Variants in MARK1 observed in about 807,000 individuals in gnomAD.
The protein encoded by MARK1 is serine/threonine-protein kinase MARK1.
In MARK1, 40 loss-of-function variants were observed where a neutral mutation model predicts 96.3. The observed-to-expected ratio is 0.42, with a 90% confidence interval of 0.32 to 0.54. The LOEUF (loss-of-function observed/expected upper bound fraction) is 0.54. Among genes scored for constraint, MARK1 ranks in the 20% least tolerant of loss-of-function variants. The pLI is 0.16. For missense variants in MARK1, 719 were observed against 984.6 expected, an observed-to-expected ratio of 0.73 and a Z score of 3.61; for synonymous variants, 317 against 341.2, an observed-to-expected ratio of 0.93 and a Z score of 0.78.
intron 1 of MARK1, among the ~76,000 whole-genome samples, chr1:220,557,695 T>C (rs1165936093): frequency 6.6e-6 from 1 of 152,174 alleles, no homozygotes; most frequent in Admixed American, 6.5e-5. Context: ...AGAAGTTGGA[T>C]ACAAGAAGTG....
intron 3 of MARK1, among the ~76,000 whole-genome samples, chr1:220,594,862 G>A (rs1317693231): frequency 2.0e-5 from 3 of 152,198 alleles, no homozygotes; most frequent in Non-Finnish European, 4.4e-5. Flanking sequence ...CCAGAGGTTA[G>A]GGAAAAGGGA....
Position 220,620,387 on chromosome 1 carries a change from A to G in MARK1, c.909+1632A>G, listed in dbSNP as rs58610569. ...GTTCTAAAATAATGAACTTTAGAGA[A>G]CATGTTTTGTAATCCTGTTTTGTGA... On this transcript the variant is annotated intron_variant, in intron 9 of 17. Transcript: ENST00000366917. Among the ~76,000 whole-genome samples the G allele has an allele frequency of 1.5e-4, 23 of 152,290 alleles. No individual in the cohort carries two copies. The East Asian group carries it at 4.1e-3, about 27-fold the overall frequency.
intron 1 of MARK1, among the ~76,000 whole-genome samples, chr1:220,556,021 G>A (rs1395476642): frequency 2.0e-5 from 3 of 152,198 alleles, no homozygotes; most frequent in African/African-American, 7.2e-5. Context: ...AGAAATCAAA[G>A]CCAGAATGGT....
At position 220,663,472 on chromosome 1, in the gene MARK1, G is replaced by A. The variant is rs1669586292; in HGVS notation, c.*1306G>A. The A allele has an allele frequency of 6.6e-6, 1 of 152,516 alleles. No individual in the cohort carries two copies. Among genetic ancestry groups the A allele is most frequent in the Admixed American group, 6.6e-5 (1 of 15,266 alleles). 9.4% of individuals were successfully genotyped at this position (152,516 alleles called of 1,614,324 possible). A position where few individuals can be genotyped will look rare whatever the true frequency, so the allele number is the denominator to read the frequency against. ...ATACTTGTTATTTTATACTGAATTAGCCTTGGAGGTTGACTGTGCAATGTT... is the reference window on the plus strand; with the variant it reads ...ATACTTGTTATTTTATACTGAATTAACCTTGGAGGTTGACTGTGCAATGTT... On this transcript the variant is annotated 3_prime_UTR_variant, in exon 18 of 18. Coordinates refer to ENST00000366917, the MANE Select transcript of MARK1 (RefSeq NM_018650.5).
chr1:220,552,189 C>T (rs888009512), intron 1 of MARK1, among the ~76,000 whole-genome samples: 2 of 152,118 alleles, frequency 1.3e-5, no homozygotes, highest in Non-Finnish European at 2.9e-5. Context: ...ATTTAATGGA[C>T]CATTACTATG....
intron 1 of MARK1, among the ~76,000 whole-genome samples, chr1:220,538,547 G>A (rs1426282247): frequency 1.4e-4 from 21 of 151,932 alleles, no homozygotes; most frequent in Admixed American, 6.6e-5. Context: ...TTGACTTGGC[G>A]ATGTGGGCTC....
intron 1 of MARK1, among the ~76,000 whole-genome samples, chr1:220,571,197 A>G (rs531666993): frequency 7.9e-5 from 12 of 152,344 alleles, no homozygotes; most frequent in African/African-American, 2.6e-4. Flanking sequence ...ATTTAACAAT[A>G]GAAGATAACA....
intron 4 of MARK1, among the ~76,000 whole-genome samples, chr1:220,598,664 T>A (rs1665539825): frequency 6.6e-6 from 1 of 151,972 alleles, no homozygotes; most frequent in African/African-American, 2.4e-5. Context: ...ACAATTTTTT[T>A]TAATTTCCTA....
At position 220,568,635 on chromosome 1, in the gene MARK1, TCCC is replaced by T. The variant is rs774876332; in HGVS notation, c.52-10718_52-10716del. 1.3e-4 allele frequency among the ~76,000 whole-genome samples: 20 copies of T among 152,314 alleles called. No individual in the cohort carries two copies. The East Asian group carries it at 1.5e-3, about 12-fold the overall frequency. On this transcript the variant is annotated intron_variant, in intron 1 of 17. Transcript: ENST00000366917. ...ATGAAAAAGAAAATGTTCCCTATAC[TCCC>T]GTTTCCCAGTCCCCTAGCTCCCTTT... is the stretch of plus-strand genomic sequence containing the variant.
chr1:220,606,603 G>A (rs1666096147), intron 6 of MARK1, among the ~76,000 whole-genome samples: 1 of 152,168 alleles, frequency 6.6e-6, no homozygotes, highest in South Asian at 2.1e-4. Context: ...CCTTGCCCAT[G>A]CCTATGTCCT....
chr1:220,626,083 T>C (rs1667314180), intron 9 of MARK1: 17 of 600,678 alleles, frequency 2.8e-5, no homozygotes, highest in South Asian at 2.3e-4. Flanking sequence ...TACTGGTGGC[T>C]CTCTGGCAAG....
At position 220,539,550 on chromosome 1, in the gene MARK1, CTTA is replaced by C. The variant is rs543479267; in HGVS notation, c.51+10680_51+10682del. ...TATGTTGATGTAATTTTTTTCCATT[CTTA>C]TTTTGTTGAGTGGTGTTTTTAATCA... On this transcript the variant is annotated intron_variant, in intron 1 of 17. Coordinates refer to ENST00000366917, the MANE Select transcript of MARK1 (RefSeq NM_018650.5). Among the ~76,000 whole-genome samples the C allele has an allele frequency of 1.4e-4, 21 of 151,916 alleles. No individual in the cohort carries two copies. The South Asian group carries it at 2.3e-3, about 17-fold the overall frequency.
chr1:220,539,278 A>C (rs1343860636), intron 1 of MARK1, among the ~76,000 whole-genome samples: 1 of 152,220 alleles, frequency 6.6e-6, no homozygotes, highest in Non-Finnish European at 1.5e-5. Flanking sequence ...TTTAGTATGA[A>C]GTGTTGTTGA....
chr1:220,538,461 T>C (rs932322225), intron 1 of MARK1, among the ~76,000 whole-genome samples: 11 of 152,188 alleles, frequency 7.2e-5, no homozygotes, highest in African/African-American at 2.4e-4. Flanking sequence ...ACCAGTACCA[T>C]GCTGTTTTGG....
chr1:220,533,924 A>T (rs1294812901), intron 1 of MARK1, among the ~76,000 whole-genome samples: 2 of 152,066 alleles, frequency 1.3e-5, no homozygotes, highest in Non-Finnish European at 2.9e-5. Context: ...CTGTACTCCA[A>T]TCTGTAGTAT....
At chr1:220,609,859 A>C (rs578067342) in intron 6 of MARK1, among the ~76,000 whole-genome samples, 1 of 151,912 alleles carries the variant, frequency 6.6e-6, no homozygotes, top group South Asian at 2.1e-4. Flanking sequence ...AAATTCTTTA[A>C]GAATGTTGAA....
chr1:220,551,187 C>T (rs1180871749), intron 1 of MARK1, among the ~76,000 whole-genome samples: 1 of 152,346 alleles, frequency 6.6e-6, no homozygotes, highest in African/African-American at 2.4e-5. Context: ...GCAGCTGAAG[C>T]AAGTGGTCCA....
At chr1:220,568,540 G>T (rs561321995) in intron 1 of MARK1, among the ~76,000 whole-genome samples, 43 of 152,252 alleles carry the variant, frequency 2.8e-4, no homozygotes, top group Admixed American at 4.6e-4. Flanking sequence ...TCATATAAGG[G>T]CTTTGATTTT....
At chr1:220,547,041 G>A (rs1181861944) in intron 1 of MARK1, among the ~76,000 whole-genome samples, 1 of 152,010 alleles carries the variant, frequency 6.6e-6, no homozygotes, top group African/African-American at 2.4e-5. Context: ...AAAAAGCTAT[G>A]GATAAGCTAG....
Sources: gnomAD v4.1 joint callset for allele counts (sites outside exome capture counted in the v4.1 genomes callset) on GRCh38, gnomAD v4.1.1 for gene constraint, MANE v1.5 for transcripts, NCBI Gene and HGNC (gene_info 2026-07-23, HGNC 2026-07-21) for gene names.